Variants in ADAMTSL3 observed in about 807,000 individuals in gnomAD.
The protein encoded by ADAMTSL3 is ADAMTS like 3.
Under a neutral mutation model 201.7 loss-of-function variants are expected in ADAMTSL3, and 128 were observed. That is an observed-to-expected ratio of 0.63 (90% CI 0.55 to 0.73). The LOEUF (loss-of-function observed/expected upper bound fraction) is 0.73, where lower values mean the gene tolerates loss of function less well. Ranked by LOEUF, ADAMTSL3 falls within the 30% of genes least tolerant of loss-of-function variation. The pLI is 0.00. For missense variants in ADAMTSL3, 1,990 were observed against 2,119.6 expected, an observed-to-expected ratio of 0.94 and a Z score of 1.20; for synonymous variants, 738 against 748.4, an observed-to-expected ratio of 0.99 and a Z score of 0.23.
chr15:83,837,607 C>T (rs1452795438), intron 6 of ADAMTSL3, among the ~76,000 whole-genome samples: 2 of 151,526 alleles, frequency 1.3e-5, no homozygotes, highest in African/African-American at 4.8e-5. Flanking sequence ...ATAGGGAGAC[C>T]CTGTCTTTAC....
chr15:83,892,901 A>G lies in ADAMTSL3; in HGVS notation c.1467+13A>G. The G allele has an allele frequency of 6.2e-7, 1 of 1,604,562 alleles. No homozygotes were observed. The highest frequency in any genetic ancestry group is 8.5e-7 in the Non-Finnish European group (1 of 1,171,726). On this transcript the variant is annotated intron_variant, in intron 13 of 29. Transcript: ENST00000286744. ...GGAGTGGTCTCAGGTAAGATTTGAG[A>G]ATATGCCACTTTTAATTAATTCTCA...
intron 3 of ADAMTSL3, among the ~76,000 whole-genome samples, chr15:83,757,177 C>T (rs1286282526): frequency 6.6e-6 from 1 of 152,196 alleles, no homozygotes; most frequent in East Asian, 1.9e-4. Context: ...CTGTGTGGGG[C>T]CCGCACCCCA....
At chr15:84,035,026 G>C (rs1022714221) in intron 28 of ADAMTSL3, among the ~76,000 whole-genome samples, 1 of 152,074 alleles carries the variant, frequency 6.6e-6, no homozygotes, top group African/African-American at 2.4e-5. Context: ...GCCCTCTACT[G>C]GACAGACCTT....
chr15:83,663,981 C>T (rs1344691534), intron 2 of ADAMTSL3, among the ~76,000 whole-genome samples: 1 of 151,948 alleles, frequency 6.6e-6, no homozygotes, highest in Non-Finnish European at 1.5e-5. Context: ...CTCCTCAATT[C>T]CAGAGCTCTG....
chr15:83,717,673 A>G (rs911170899), intron 3 of ADAMTSL3, among the ~76,000 whole-genome samples: 2 of 152,216 alleles, frequency 1.3e-5, no homozygotes, highest in African/African-American at 4.8e-5. Context: ...TTAGATTTTA[A>G]AAGAACAATC....
At chr15:83,913,423 A>G in intron 16 of ADAMTSL3, 45 bp downstream of exon 16, 4 of 1,581,664 alleles carry the variant, frequency 2.5e-6, no homozygotes, top group Admixed American at 1.7e-5. Flanking sequence ...GTGTGTTGCT[A>G]GTGGTTTGAG....
chr15:83,850,698 C>G (rs971011031), intron 7 of ADAMTSL3, among the ~76,000 whole-genome samples: 4 of 152,120 alleles, frequency 2.6e-5, no homozygotes, highest in Admixed American at 2.6e-4. Flanking sequence ...ACTGCTTTGG[C>G]AAAGCACATT....
chr15:83,921,314 C>T (rs1526081), intron 16 of ADAMTSL3, among the ~76,000 whole-genome samples: 95,403 of 152,044 alleles, frequency 0.63, 31,019 homozygotes, highest in African/African-American at 0.79. Flanking sequence ...GTTAATGTTC[C>T]ACGGATGCTT....
rs185192977 is a variant in ADAMTSL3, at chr15:83,946,118, C to G, written c.2490+3036C>G. On this transcript the variant is annotated intron_variant, in intron 19 of 29. Transcript: ENST00000286744. Reference sequence around the variant, plus strand: ...ACCACTGCCAAGCTCTAAAATACCCCACTTTGCTTCTGTCCTTGCTTCTTT... The same window carrying G: ...ACCACTGCCAAGCTCTAAAATACCCGACTTTGCTTCTGTCCTTGCTTCTTT... 2.0e-5 allele frequency among the ~76,000 whole-genome samples: 3 copies of G among 152,338 alleles called. No homozygotes were observed. In the East Asian group the frequency reaches 5.8e-4, roughly 29 times the overall value.
chr15:83,734,945 AG>A (rs1490768978), intron 3 of ADAMTSL3, among the ~76,000 whole-genome samples: 1 of 152,126 alleles, frequency 6.6e-6, no homozygotes, highest in Non-Finnish European at 1.5e-5. Context: ...GACAGAAAGT[AG>A]GGAACCCGAA....
chr15:83,957,352 A>G, intron 19 of ADAMTSL3, among the ~76,000 whole-genome samples: 1 of 152,216 alleles, frequency 6.6e-6, no homozygotes, highest in East Asian at 1.9e-4. Flanking sequence ...CATTGAGAGC[A>G]TGTTGGAAGG....
chr15:83,848,021 CTACTT>C (rs1432604791), intron 7 of ADAMTSL3, among the ~76,000 whole-genome samples: 2 of 150,722 alleles, frequency 1.3e-5, no homozygotes, highest in Non-Finnish European at 2.9e-5. Context: ...TTTAAAAAAA[CTACTT>C]TATGCCTTGG....
intron 9 of ADAMTSL3, among the ~76,000 whole-genome samples, chr15:83,876,267 A>G (rs2065175583): frequency 6.6e-6 from 1 of 151,868 alleles, no homozygotes; most frequent in Admixed American, 6.6e-5. Flanking sequence ...GACCATCCAA[A>G]CATTGTCTCT....
chr15:83,932,079 C>A (rs2066369514), intron 17 of ADAMTSL3, among the ~76,000 whole-genome samples: 1 of 152,150 alleles, frequency 6.6e-6, no homozygotes, highest in Non-Finnish European at 1.5e-5. Context: ...AACAGATTAA[C>A]TACAAACAAC....
intron 7 of ADAMTSL3, among the ~76,000 whole-genome samples, chr15:83,853,392 C>A (rs1453937606): frequency 6.6e-6 from 1 of 152,132 alleles, no homozygotes; most frequent in African/African-American, 2.4e-5. Context: ...TGACTGGTAT[C>A]CCATCATTTC....
In ADAMTSL3 at chr15:83,777,557, T is replaced by G. The variant is rs906846554; in HGVS notation, c.317+3907T>G. Among the ~76,000 whole-genome samples, 11 of 151,890 alleles carry G rather than the reference T, an allele frequency of 7.2e-5. No homozygotes were observed. In the East Asian group the frequency reaches 2.1e-3, roughly 29 times the overall value. ...TGAAGCCAGTTGGCTGAATCCACCT[T>G]ATACTAGAATCAAGCCCTCAAGGTC... On this transcript the variant is annotated intron_variant, in intron 4 of 29. Transcript: ENST00000286744.
intron 15 of ADAMTSL3, among the ~76,000 whole-genome samples, chr15:83,905,709 C>T (rs991528780): frequency 7.9e-5 from 12 of 152,118 alleles, no homozygotes; most frequent in Non-Finnish European, 1.3e-4. Context: ...CAGCGAATTC[C>T]AAATTGCACA....
chr15:84,004,527 G>A (rs2067856639), intron 23 of ADAMTSL3, among the ~76,000 whole-genome samples: 1 of 152,206 alleles, frequency 6.6e-6, no homozygotes, highest in Non-Finnish European at 1.5e-5. Context: ...TGAACCAGGA[G>A]TGAGTAATCA....
chr15:83,833,627 G>T (rs2064202508), intron 6 of ADAMTSL3, among the ~76,000 whole-genome samples: 1 of 152,174 alleles, frequency 6.6e-6, no homozygotes. Flanking sequence ...CTATACTGAT[G>T]ATACTTTTTA....
Sources: allele counts gnomAD v4.1 joint callset (sites outside exome capture counted in the v4.1 genomes callset), GRCh38; gene constraint gnomAD v4.1.1; transcripts MANE v1.5; gene names NCBI Gene and HGNC (gene_info 2026-07-23, HGNC 2026-07-21).